Variants in MARCHF1 observed in about 807,000 individuals in gnomAD.
MARCHF1 encodes E3 ubiquitin-protein ligase MARCHF1.
MARCHF1 carries 40 observed loss-of-function variants against 54.2 expected under a neutral mutation model. The ratio of observed to expected loss-of-function variants is 0.74; its 90% CI spans 0.57 to 0.96. The LOEUF (loss-of-function observed/expected upper bound fraction) is 0.96, where lower values mean the gene tolerates loss of function less well. Among genes scored for constraint, MARCHF1 ranks in the 40% least tolerant of loss-of-function variants. The probability of loss-of-function intolerance (pLI) is 0.00; values close to 1 mark genes in which losing one functional copy is unlikely to be tolerated. For synonymous variants in MARCHF1, 236 were observed against 236.3 expected (o/e 1.00, Z 0.01); for missense variants, 586 against 656.5 (o/e 0.89, Z 1.17).
intron 1 of MARCHF1, among the ~76,000 whole-genome samples, chr4:164,171,799 T>C (rs950578866): frequency 2.0e-5 from 3 of 152,186 alleles, no homozygotes; most frequent in Non-Finnish European, 4.4e-5. Flanking sequence ...CTTTTAAACT[T>C]TGGTTCAGAA....
At chr4:163,651,544 T>TTA (rs1742966672) in intron 5 of MARCHF1, among the ~76,000 whole-genome samples, 1 of 146,900 alleles carries the variant, frequency 6.8e-6, no homozygotes, top group African/African-American at 2.5e-5. Context: ...TTTTTTTTTT[T>TTA]ACTGCAATAG....
intron 2 of MARCHF1, among the ~76,000 whole-genome samples, chr4:164,051,528 T>C (rs1426020061): frequency 6.6e-6 from 1 of 152,220 alleles, no homozygotes; most frequent in Non-Finnish European, 1.5e-5. Context: ...TGTATTCTTA[T>C]AGTAACTGGT....
chr4:163,745,658 A>G (rs943824243), intron 4 of MARCHF1, among the ~76,000 whole-genome samples: 3 of 152,064 alleles, frequency 2.0e-5, no homozygotes, highest in Admixed American at 6.6e-5. Flanking sequence ...ACATTCTCCA[A>G]TTGCTCATCC....
intron 7 of MARCHF1, among the ~76,000 whole-genome samples, chr4:163,602,521 A>G (rs1560967890): frequency 6.6e-6 from 1 of 152,240 alleles, no homozygotes; most frequent in East Asian, 1.9e-4. Context: ...CAAGTAACTC[A>G]GCTTTGGCAG....
At chr4:163,667,444 G>A (rs1476528612) in intron 5 of MARCHF1, among the ~76,000 whole-genome samples, 4 of 151,942 alleles carry the variant, frequency 2.6e-5, no homozygotes, top group African/African-American at 7.3e-5. Context: ...TCTACAGATT[G>A]AACATGTGAG....
chr4:163,826,346 C>T lies in MARCHF1; in HGVS notation c.111+27675G>A, dbSNP rs1254279589. 1.1e-4 allele frequency among the ~76,000 whole-genome samples: 17 copies of T among 151,958 alleles called. 1 individual carries two copies. The highest frequency in any genetic ancestry group is 1.1e-3 in the Admixed American group (17 of 15,208). On this transcript the variant is annotated intron_variant, in intron 4 of 9. Coordinates refer to ENST00000514618, the MANE Select transcript of MARCHF1 (RefSeq NM_001394959.1). ...TCAGCAAGTATGAATAAAGACATTTCTTCCTTTTGGTTTAGAAAGAAGTCA... is the reference window on the plus strand; with the variant it reads ...TCAGCAAGTATGAATAAAGACATTTTTTCCTTTTGGTTTAGAAAGAAGTCA...
chr4:163,795,604 CTTTAA>C (rs1307533549), intron 4 of MARCHF1, among the ~76,000 whole-genome samples: 2 of 152,182 alleles, frequency 1.3e-5, no homozygotes, highest in Non-Finnish European at 1.5e-5. Flanking sequence ...ACTTTTGTAA[CTTTAA>C]TTTTTCTCTT....
At chr4:163,745,358 C>T (rs939994525) in intron 4 of MARCHF1, among the ~76,000 whole-genome samples, 12 of 152,048 alleles carry the variant, frequency 7.9e-5, no homozygotes, top group South Asian at 2.1e-4. Flanking sequence ...TGTGATCCAC[C>T]GGCCTCAGCC....
At chr4:163,639,640 C>A (rs1369161518) in intron 5 of MARCHF1, among the ~76,000 whole-genome samples, 4 of 152,164 alleles carry the variant, frequency 2.6e-5, no homozygotes, top group African/African-American at 7.2e-5. Flanking sequence ...CCCTTCCCCA[C>A]CTCCTCTTTC....
intron 5 of MARCHF1, among the ~76,000 whole-genome samples, chr4:163,684,814 A>C (rs1483390983): frequency 6.6e-6 from 1 of 152,230 alleles, no homozygotes; most frequent in African/African-American, 2.4e-5. Flanking sequence ...AGTTGAAAGA[A>C]TTATGCAGTA....
intron 8 of MARCHF1, among the ~76,000 whole-genome samples, chr4:163,580,816 G>GTTGTATGATATTGAATGATTTTGAT (rs1740207872): frequency 4.6e-5 from 2 of 43,888 alleles, no homozygotes; most frequent in Non-Finnish European, 9.2e-5. Flanking sequence ...TTTTTTTTGA[G>GTTGTATGATATTGAATGATTTTGAT]ACGGAGTCTC....
At chr4:163,818,801 C>G (rs142257033) in intron 4 of MARCHF1, among the ~76,000 whole-genome samples, 1 of 152,120 alleles carries the variant, frequency 6.6e-6, no homozygotes, top group African/African-American at 2.4e-5. Flanking sequence ...TTATGAACCT[C>G]ATGGTCAAGA....
At chr4:164,096,930 A>T (rs1381178517) in intron 2 of MARCHF1, among the ~76,000 whole-genome samples, 1 of 152,160 alleles carries the variant, frequency 6.6e-6, no homozygotes, top group Non-Finnish European at 1.5e-5. Flanking sequence ...TGAAGAAATC[A>T]CTGAAGCCTT....
intron 2 of MARCHF1, among the ~76,000 whole-genome samples, chr4:164,019,035 T>C (rs781394119): frequency 6.6e-6 from 1 of 152,248 alleles, no homozygotes; most frequent in Non-Finnish European, 1.5e-5. Context: ...CTCAGCTCTG[T>C]ATCCTGGGGC....
chr4:163,743,769 T>C (rs6823472), intron 4 of MARCHF1, among the ~76,000 whole-genome samples: 60,678 of 151,856 alleles, frequency 0.4, 12,745 homozygotes, highest in Non-Finnish European at 0.47. Flanking sequence ...TTAGTAGAGA[T>C]GGGGTTTCAC....
At chr4:163,912,789 A>T (rs34593317) in intron 3 of MARCHF1, among the ~76,000 whole-genome samples, 26,207 of 152,172 alleles carry the variant, frequency 0.17, 2,832 homozygotes, top group South Asian at 0.32. Flanking sequence ...CCAGTCTGAA[A>T]ACCATAGAAA....
At chr4:163,792,720 C>T (rs1425968662) in intron 4 of MARCHF1, among the ~76,000 whole-genome samples, 2 of 152,078 alleles carry the variant, frequency 1.3e-5, no homozygotes, top group Non-Finnish European at 2.9e-5. Flanking sequence ...TAGAATTAAA[C>T]GTTAAGAACC....
intron 4 of MARCHF1, among the ~76,000 whole-genome samples, chr4:163,827,088 T>TAAAAAAA (rs5863632): frequency 6.6e-6 from 1 of 150,560 alleles, no homozygotes; most frequent in Admixed American, 6.7e-5. Flanking sequence ...CTTTTTAAAA[T>TAAAAAAA]AAAAAAAAAG....
At chr4:164,080,744 T>A (rs1755079012) in intron 2 of MARCHF1, among the ~76,000 whole-genome samples, 1 of 151,954 alleles carries the variant, frequency 6.6e-6, no homozygotes, top group South Asian at 2.1e-4. Context: ...GTAAAAACTA[T>A]ATTTTAAAAA....
Sources: gnomAD v4.1 joint callset for allele counts (sites outside exome capture counted in the v4.1 genomes callset) on GRCh38, gnomAD v4.1.1 for gene constraint, MANE v1.5 for transcripts, NCBI Gene and HGNC (gene_info 2026-07-23, HGNC 2026-07-21) for gene names.